Variants in RASSF2 observed in about 807,000 individuals in gnomAD.
RASSF2 encodes the protein ras association domain-containing protein 2.
In RASSF2, 34 loss-of-function variants were observed where a neutral mutation model predicts 46.3. The ratio of observed to expected loss-of-function variants is 0.73; its 90% CI spans 0.56 to 0.98. The LOEUF is 0.98. Ranked by LOEUF, RASSF2 falls within the 50% of genes least tolerant of loss-of-function variation. The pLI is 0.00. For missense variants in RASSF2, 364 were observed against 431.2 expected (o/e 0.84, Z 1.38); for synonymous variants, 158 against 162.5 (o/e 0.97, Z 0.21).
chr20:4,787,547 A>C, intron 10 of RASSF2, 86 bp downstream of exon 10: 1 of 1,562,906 alleles, frequency 6.4e-7, no homozygotes, highest in Admixed American at 1.7e-5. Context: ...GTTGGTCAAA[A>C]AAGTCATTCT....
chr20:4,802,216 T>C (rs60654325), intron 2 of RASSF2, among the ~76,000 whole-genome samples: 1,658 of 152,164 alleles, frequency 0.011, 85 homozygotes, highest in East Asian at 0.099. Context: ...GAACTACAGG[T>C]GTGCCCCACC....
intron 2 of RASSF2, among the ~76,000 whole-genome samples, chr20:4,819,945 C>A (rs1371287824): frequency 6.6e-6 from 1 of 152,174 alleles, no homozygotes; most frequent in Non-Finnish European, 1.5e-5. Flanking sequence ...CAGCAGTTCC[C>A]CAGCCCCAAG....
intron 3 of RASSF2, among the ~76,000 whole-genome samples, chr20:4,798,338 G>A (rs757426415): frequency 7.2e-5 from 11 of 152,098 alleles, no homozygotes; most frequent in African/African-American, 1.9e-4. Flanking sequence ...GCAACTCCAG[G>A]ACACCAAGGC....
chr20:4,784,209 C>T lies in RASSF2; in HGVS notation c.*64G>A. The T allele has an allele frequency of 4.0e-6, 6 of 1,494,512 alleles. No individual in the cohort carries two copies. Among genetic ancestry groups the T allele is most frequent in the Non-Finnish European group, 5.6e-6 (6 of 1,071,388 alleles). The allele number at this position is 1,494,512 out of a possible 1,614,324, so 92.6% of individuals were successfully genotyped here. ...GTTTCCATGGAAAGAAAGTGCCTAGCTTCCTGGGGGTCTTATGGGCAATGG... is the reference window on the plus strand; with the variant it reads ...GTTTCCATGGAAAGAAAGTGCCTAGTTTCCTGGGGGTCTTATGGGCAATGG... On this transcript the variant is annotated 3_prime_UTR_variant, in exon 12 of 12. Transcript: ENST00000379400.
intron 8 of RASSF2, among the ~76,000 whole-genome samples, chr20:4,788,845 C>G (rs1375583699): frequency 1.3e-5 from 2 of 152,178 alleles, no homozygotes; most frequent in African/African-American, 4.8e-5. Context: ...AGGCATAGTT[C>G]TACAAATGTT....
At position 4,782,170 on chromosome 20, in the gene RASSF2, G is replaced by A. The variant is rs1376203611; in HGVS notation, c.*2103C>T. ...CAGTATTTCCCCATCTAACACTATC[G>A]TAGTGCTAGTGCAAATCAAAGAGAA... On this transcript the variant is annotated 3_prime_UTR_variant, in exon 12 of 12. Transcript: ENST00000379400. 2.0e-5 allele frequency: 3 copies of A among 152,374 alleles called. No homozygotes were observed. Among genetic ancestry groups the A allele is most frequent in the African/African-American group, 2.4e-5 (1 of 41,562 alleles). The allele number at this position is 152,374 out of a possible 1,614,324, so 9.4% of individuals were successfully genotyped here.
At chr20:4,794,372 C>T (rs1926157115) in intron 5 of RASSF2, among the ~76,000 whole-genome samples, 1 of 152,094 alleles carries the variant, frequency 6.6e-6, no homozygotes, top group South Asian at 2.1e-4. Flanking sequence ...AGTTCAAGAC[C>T]AGCCTGGCCA....
At position 4,795,782 on chromosome 20, in the gene RASSF2, A is replaced by T; in HGVS notation, c.287+33T>A. ...AACACATAGAACACCCAAGCATCCC[A>T]GTCATCTCCCTGCCCCGTCTCTCCT... On this transcript the variant is annotated intron_variant, in intron 5 of 11. Transcript: ENST00000379400. The surrounding 1 kb of genome is among the most constrained non-coding windows in gnomAD (Gnocchi z 4.0). The T allele has an allele frequency of 6.3e-7, 1 of 1,589,944 alleles. No homozygotes were observed. The highest frequency in any genetic ancestry group is 8.6e-7 in the Non-Finnish European group (1 of 1,166,304).
chr20:4,810,992 G>C (rs1444985236), intron 2 of RASSF2, among the ~76,000 whole-genome samples: 1 of 152,090 alleles, frequency 6.6e-6, no homozygotes, highest in Admixed American at 6.5e-5. Context: ...ACGTCACAGC[G>C]ATTCTGACTC....
At chr20:4,803,928 TG>T (rs1440391448) in intron 2 of RASSF2, among the ~76,000 whole-genome samples, 1 of 151,856 alleles carries the variant, frequency 6.6e-6, no homozygotes, top group Non-Finnish European at 1.5e-5. Context: ...TGTGCTAGCA[TG>T]CACCTCTGGT....
chr20:4,786,332 G>C lies in RASSF2; in HGVS notation c.814-4C>G, dbSNP rs774577258. The C allele has an allele frequency of 8.8e-6, 14 of 1,593,224 alleles. No homozygotes were observed. In the Admixed American group the frequency reaches 1.0e-4, roughly 11 times the overall value. ...CGAACTTTATATACTGGGCCACCTA[G>C]AGAGAAAGAAGCAAGTCTGGGTGAA... On this transcript the variant is annotated splice_region_variant and splice_polypyrimidine_tract_variant and intron_variant, in intron 10 of 11. Transcript: ENST00000379400.
chr20:4,792,684 A>AC, intron 5 of RASSF2, 57 bp from the exon 6 acceptor site: 5 of 1,573,634 alleles, frequency 3.2e-6, no homozygotes, highest in South Asian at 2.3e-5. Flanking sequence ...CTGTGGAGAG[A>AC]CGCCCCCGCA....
In RASSF2 at chr20:4,781,208, T is replaced by C. The variant is rs2122354703; in HGVS notation, c.*3065A>G. 1 of 138,350 alleles carries C rather than the reference T, an allele frequency of 7.2e-6. No individual in the cohort carries two copies. Among genetic ancestry groups the C allele is most frequent in the Non-Finnish European group, 1.6e-5 (1 of 63,520 alleles). 8.6% of individuals were successfully genotyped at this position (138,350 alleles called of 1,614,324 possible). A position where few individuals can be genotyped will look rare whatever the true frequency, so the allele number is the denominator to read the frequency against. Reference sequence around the variant, plus strand: ...CTCCACAGACTTCTTGTTGAGACTTTTTTGCATGGAAAACAGATATTTTGG... The same window carrying C: ...CTCCACAGACTTCTTGTTGAGACTTCTTTGCATGGAAAACAGATATTTTGG... On this transcript the variant is annotated 3_prime_UTR_variant, in exon 12 of 12. Transcript: ENST00000379400.
rs1176166468 is a variant in RASSF2, at chr20:4,795,099, C to A, written c.287+716G>T. 6.6e-6 allele frequency among the ~76,000 whole-genome samples: 1 copy of A among 152,218 alleles called. No individual in the cohort carries two copies. The highest frequency in any genetic ancestry group is 1.5e-5 in the Non-Finnish European group (1 of 68,044). On this transcript the variant is annotated intron_variant, in intron 5 of 11. Transcript: ENST00000379400. This position sits in a 1 kb window ranked among gnomAD's most constrained non-coding sequence, Gnocchi z 4.0. ...GATGGAGACAGGCTAGTCACTTGATCCTAAAACTCAAGTCCCAGAAAGACA... is the reference window on the plus strand; with the variant it reads ...GATGGAGACAGGCTAGTCACTTGATACTAAAACTCAAGTCCCAGAAAGACA...
intron 2 of RASSF2, among the ~76,000 whole-genome samples, chr20:4,801,402 T>C (rs1044273532): frequency 2.0e-5 from 3 of 152,140 alleles, no homozygotes; most frequent in African/African-American, 4.8e-5. Context: ...CAACACAGAA[T>C]AGAGAGTTAT....
At position 4,784,073 on chromosome 20, in the gene RASSF2, GA is replaced by G; in HGVS notation, c.*199del. ...CTAAAATCAAAAGTCCTTGTGAGCA[GA>G]AAAAAGGAGGGCAGGGGTCCAGGGA... On this transcript the variant is annotated 3_prime_UTR_variant, in exon 12 of 12. Transcript: ENST00000379400. 1.6e-6 allele frequency: 1 copy of G among 606,318 alleles called. No individual in the cohort carries two copies. Among genetic ancestry groups the G allele is most frequent in the Non-Finnish European group, 3.0e-6 (1 of 338,964 alleles). 37.6% of individuals were successfully genotyped at this position (606,318 alleles called of 1,614,324 possible).
chr20:4,808,003 G>A (rs1480136135), intron 2 of RASSF2, among the ~76,000 whole-genome samples: 1 of 152,216 alleles, frequency 6.6e-6, no homozygotes. Context: ...AGCACTAACA[G>A]AGGGCCGGAA....
intron 3 of RASSF2, among the ~76,000 whole-genome samples, chr20:4,800,105 C>T (rs1926733190): frequency 6.8e-6 from 1 of 147,000 alleles, no homozygotes; most frequent in South Asian, 2.1e-4. Flanking sequence ...GAGGGAGAGT[C>T]CTTCTAAAAA....
At chr20:4,784,429 G>A (rs746561823) in intron 11 of RASSF2, 87 bp from the exon 12 acceptor site, 13 of 1,254,852 alleles carry the variant, frequency 1.0e-5, no homozygotes, top group Admixed American at 3.4e-5. Context: ...TAACACCAAG[G>A]TCACACCAGG....
Sources: allele counts gnomAD v4.1 joint callset (sites outside exome capture counted in the v4.1 genomes callset), GRCh38; gene constraint gnomAD v4.1.1; non-coding constraint Gnocchi (gnomAD v3.1); transcripts MANE v1.5; gene names NCBI Gene and HGNC (gene_info 2026-07-23, HGNC 2026-07-21).